The following SLC5A4 variants were observed in gnomAD, a reference collection of about 807,000 sequenced individuals.
SLC5A4 encodes the protein probable glucose sensor protein SLC5A4.
A neutral mutation model predicts 70.3 loss-of-function variants in SLC5A4; 55 were observed. That is an observed-to-expected ratio of 0.78 (90% CI 0.63 to 0.98). SLC5A4 has a LOEUF of 0.98. Among genes scored for constraint, SLC5A4 ranks in the 50% least tolerant of loss-of-function variants. The pLI is 0.00. For missense variants in SLC5A4, 735 were observed against 839.2 expected (o/e 0.88, Z 1.53); for synonymous variants, 268 against 305.7 (o/e 0.88, Z 1.29).
the SLC5A4 span, among the ~76,000 whole-genome samples, chr22:32,305,619 T>C: frequency 6.8e-6 from 1 of 147,974 alleles, no homozygotes; most frequent in Non-Finnish European, 1.5e-5. Flanking sequence ...CTGTGCAGCC[T>C]GTCCCTTCTC....
the SLC5A4 span, among the ~76,000 whole-genome samples, chr22:32,299,952 C>T: frequency 1.6e-5 from 2 of 127,882 alleles, no homozygotes; most frequent in Non-Finnish European, 3.4e-5. Flanking sequence ...GGGGTGCCTT[C>T]CAGTTAGGCT....
chr22:32,285,400 C>T, the SLC5A4 span, among the ~76,000 whole-genome samples: 4 of 152,142 alleles, frequency 2.6e-5, no homozygotes, highest in Non-Finnish European at 4.4e-5. Context: ...CACACAGCTG[C>T]CAACAATAGA....
the SLC5A4 span, among the ~76,000 whole-genome samples, chr22:32,307,959 G>A: frequency 4.6e-5 from 7 of 151,352 alleles, no homozygotes; most frequent in Middle Eastern, 3.4e-3. Context: ...AGATTTTCAC[G>A]GCAGACAAAA....
intron 5 of SLC5A4, among the ~76,000 whole-genome samples, chr22:32,239,811 T>C (rs943062574): frequency 6.8e-6 from 1 of 146,872 alleles, no homozygotes; most frequent in Non-Finnish European, 1.5e-5. Context: ...GATCACGAGG[T>C]CAGGAGATTG....
At chr22:32,270,491 C>A in the SLC5A4 span, 1 of 772,574 alleles carries the variant, frequency 1.3e-6, no homozygotes, top group East Asian at 2.5e-5. Context: ...CCCAGCACCC[C>A]CGAAGCGGAC....
the SLC5A4 span, among the ~76,000 whole-genome samples, chr22:32,333,196 A>ACCC: frequency 0.014 from 1,919 of 136,682 alleles, 55 homozygotes; most frequent in East Asian, 0.06. Context: ...TAGCACTGGC[A>ACCC]CCCCCCCCCC....
the SLC5A4 span, among the ~76,000 whole-genome samples, chr22:32,318,500 G>T: frequency 6.6e-6 from 1 of 152,068 alleles, no homozygotes; most frequent in African/African-American, 2.4e-5. Flanking sequence ...CTCCTCAGAG[G>T]CCTGGAGTCA....
the SLC5A4 span, among the ~76,000 whole-genome samples, chr22:32,311,184 C>G: frequency 0.15 from 22,426 of 152,178 alleles, 1,932 homozygotes; most frequent in African/African-American, 0.23. Context: ...CCCGGCAGAA[C>G]ACTCGCCGCC....
chr22:32,257,416 G>GT (rs1927541731), upstream of SLC5A4, among the ~76,000 whole-genome samples: 1 of 150,810 alleles, frequency 6.6e-6, no homozygotes, highest in Non-Finnish European at 1.5e-5. Context: ...GTGCAGTGAG[G>GT]TAAGCATGGC....
chr22:32,279,370 T>C, the SLC5A4 span, among the ~76,000 whole-genome samples: 15 of 152,352 alleles, frequency 9.8e-5, no homozygotes, highest in East Asian at 2.9e-3. Flanking sequence ...AGTAGGTAGG[T>C]TGACATCAAT....
At chr22:32,218,746 T>C in intron 14 of SLC5A4, 21 bp from the exon 15 acceptor site, 1 of 1,575,352 alleles carries the variant, frequency 6.3e-7, no homozygotes, top group South Asian at 1.1e-5. Flanking sequence ...GATAAGCAAA[T>C]GATTGCAGAA....
At chr22:32,223,689 G>A (rs574859501) in intron 13 of SLC5A4, among the ~76,000 whole-genome samples, 1 of 152,130 alleles carries the variant, frequency 6.6e-6, no homozygotes, top group Middle Eastern at 3.4e-3. Context: ...TTCTCTTCCT[G>A]GTGTCCTATG....
the SLC5A4 span, among the ~76,000 whole-genome samples, chr22:32,313,727 C>G: frequency 6.6e-6 from 1 of 152,198 alleles, no homozygotes; most frequent in Admixed American, 6.5e-5. Flanking sequence ...AACTACTTAC[C>G]TTCCCAGACT....
chr22:32,260,648 A>G, the SLC5A4 span, among the ~76,000 whole-genome samples: 1 of 152,170 alleles, frequency 6.6e-6, no homozygotes, highest in African/African-American at 2.4e-5. Context: ...GCAGTGGCAG[A>G]ACCTTGCCCT....
At chr22:32,302,380 GATT>G in the SLC5A4 span, among the ~76,000 whole-genome samples, 2 of 151,562 alleles carry the variant, frequency 1.3e-5, no homozygotes, top group Non-Finnish European at 2.9e-5. Flanking sequence ...TTTTAATTGT[GATT>G]AAGTCCAATT....
At chr22:32,224,188 G>A (rs1925259245) in intron 13 of SLC5A4, 79 bp downstream of exon 13, 2 of 1,107,976 alleles carry the variant, frequency 1.8e-6, no homozygotes, top group East Asian at 5.1e-5. Context: ...CCAAAGTGCT[G>A]GGATTACAGG....
chr22:32,272,076 C>T, the SLC5A4 span: 1 of 649,246 alleles, frequency 1.5e-6, no homozygotes. Flanking sequence ...CAGGATTGAG[C>T]TGCAGAAGTG....
chr22:32,313,973 C>T, the SLC5A4 span, among the ~76,000 whole-genome samples: 1 of 152,218 alleles, frequency 6.6e-6, no homozygotes, highest in African/African-American at 2.4e-5. Flanking sequence ...GCATAAATTG[C>T]AACTGGTGAC....
At chr22:32,354,338 G>C in the SLC5A4 span, among the ~76,000 whole-genome samples, 1 of 146,638 alleles carries the variant, frequency 6.8e-6, no homozygotes, top group Non-Finnish European at 1.5e-5. Flanking sequence ...AGCCTAACCC[G>C]TCCCCCACCA....
Sources: gnomAD v4.1 joint callset for allele counts (sites outside exome capture counted in the v4.1 genomes callset) on GRCh38, gnomAD v4.1.1 for gene constraint, MANE v1.5 for transcripts, NCBI Gene and HGNC (gene_info 2026-07-23, HGNC 2026-07-21) for gene names.